Variants in CASK observed in about 807,000 individuals in gnomAD.
CASK encodes the protein peripheral plasma membrane protein CASK.
CASK carries 4 observed loss-of-function variants against 82.9 expected under a neutral mutation model. The ratio of observed to expected loss-of-function variants is 0.05; its 90% CI spans 0.02 to 0.11. The LOEUF (loss-of-function observed/expected upper bound fraction) is 0.11. Ranked by LOEUF, CASK falls within the 10% of genes least tolerant of loss-of-function variation. The pLI, the probability that CASK is intolerant of heterozygous loss-of-function variation, is 1.00. For synonymous variants in CASK, 259 were observed against 253.5 expected, an observed-to-expected ratio of 1.02 and a Z score of -0.20; for missense variants, 358 against 720.9, an observed-to-expected ratio of 0.50 and a Z score of 5.76.
At chrX:41,532,598 CCTCT>C (rs1170452806) in intron 24 of CASK, among the ~76,000 whole-genome samples, 6 of 106,127 alleles carry the variant, frequency 5.7e-5, no homozygotes, top group Admixed American at 3.0e-4. Flanking sequence ...CCTTTTTTTC[CCTCT>C]CTCTCTCAAT....
intron 1 of CASK, among the ~76,000 whole-genome samples, chrX:41,918,160 C>T (rs1015053982): frequency 2.7e-5 from 3 of 111,846 alleles, no homozygotes; most frequent in African/African-American, 6.5e-5. Context: ...TTAAAATTTC[C>T]GGGAAACATT....
At chrX:41,579,694 T>A (rs1476771934) in intron 14 of CASK, among the ~76,000 whole-genome samples, 2 of 112,069 alleles carry the variant, frequency 1.8e-5, no homozygotes, top group Admixed American at 9.5e-5. Flanking sequence ...TGCGGTAATA[T>A]CTGCAGATAA....
At chrX:41,528,990 C>G (rs902451767) in intron 25 of CASK, among the ~76,000 whole-genome samples, 1 of 112,450 alleles carries the variant, frequency 8.9e-6, no homozygotes, top group African/African-American at 3.2e-5. Context: ...GCAGGAGGGC[C>G]TGGGACCAGT....
At chrX:41,725,716 A>G (rs1307106767) in intron 5 of CASK, among the ~76,000 whole-genome samples, 1 of 112,388 alleles carries the variant, frequency 8.9e-6, no homozygotes. Context: ...AGATTTAAAT[A>G]TAAGACAGAA....
intron 17 of CASK, among the ~76,000 whole-genome samples, chrX:41,561,260 T>C (rs949388675): frequency 4.5e-5 from 5 of 110,900 alleles, no homozygotes; most frequent in African/African-American, 1.6e-4. Context: ...CTAGTTCACA[T>C]GTACAAACAC....
intron 8 of CASK, among the ~76,000 whole-genome samples, chrX:41,650,362 A>G (rs1327317236): frequency 1.8e-5 from 2 of 110,845 alleles, no homozygotes; most frequent in Non-Finnish European, 3.8e-5. Context: ...GGTCTTTACA[A>G]TTTGGCATGT....
intron 1 of CASK, among the ~76,000 whole-genome samples, chrX:41,910,925 G>GT (rs917073741): frequency 2.7e-5 from 3 of 111,208 alleles, no homozygotes; most frequent in Admixed American, 9.6e-5. Flanking sequence ...GTTGGTAAAG[G>GT]TTTTTTCCAT....
At chrX:41,608,126 C>G (rs992360332) in intron 12 of CASK, among the ~76,000 whole-genome samples, 2 of 112,174 alleles carry the variant, frequency 1.8e-5, no homozygotes, top group Non-Finnish European at 3.8e-5. Flanking sequence ...AACAAACACT[C>G]TTAGCTGAGC....
At chrX:41,700,939 A>C (rs1285609273) in intron 5 of CASK, among the ~76,000 whole-genome samples, 2 of 103,067 alleles carry the variant, frequency 1.9e-5, no homozygotes, top group Admixed American at 1.1e-4. Flanking sequence ...CTCAAAAAAA[A>C]AAAAAAAAAA....
intron 5 of CASK, among the ~76,000 whole-genome samples, chrX:41,709,752 T>C (rs980488772): frequency 8.9e-6 from 1 of 111,778 alleles, no homozygotes; most frequent in Admixed American, 9.6e-5. Context: ...GTGACTTTCA[T>C]GCTTGGGGCG....
chrX:41,735,919 T>C (rs146040450), intron 5 of CASK, among the ~76,000 whole-genome samples: 142 of 111,756 alleles, frequency 1.3e-3, no homozygotes, highest in African/African-American at 4.4e-3. Flanking sequence ...TTTTCTGTGA[T>C]ACTTTTCACA....
intron 1 of CASK, among the ~76,000 whole-genome samples, chrX:41,918,495 T>C (rs772619468): frequency 2.7e-5 from 3 of 112,417 alleles, no homozygotes; most frequent in African/African-American, 9.7e-5. Flanking sequence ...CAAGCCATTA[T>C]AGTGGAAAAC....
chrX:41,675,447 G>A (rs1482699364), intron 5 of CASK, among the ~76,000 whole-genome samples: 1 of 111,879 alleles, frequency 8.9e-6, no homozygotes, highest in Non-Finnish European at 1.9e-5. Flanking sequence ...GGACAGGGAA[G>A]CAGTTTTACC....
intron 1 of CASK, among the ~76,000 whole-genome samples, chrX:41,905,683 T>C (rs748292009): frequency 8.8e-5 from 10 of 113,033 alleles, no homozygotes; most frequent in Non-Finnish European, 1.7e-4. Flanking sequence ...GCTAGGTGAC[T>C]GATTAGGAAG....
chrX:41,731,973 G>A (rs1602539104), intron 5 of CASK, among the ~76,000 whole-genome samples: 1 of 93,525 alleles, frequency 1.1e-5, no homozygotes, highest in Non-Finnish European at 2.1e-5. Flanking sequence ...ATGTGCTCTT[G>A]CTATGTTGCC....
chrX:41,596,871 G>A (rs970235875), intron 12 of CASK, among the ~76,000 whole-genome samples: 6 of 111,619 alleles, frequency 5.4e-5, no homozygotes, highest in African/African-American at 2.0e-4. Flanking sequence ...AGGAAGTGTC[G>A]CCACAGTTCC....
At chrX:41,659,915 G>A (rs1319739213) in intron 8 of CASK, among the ~76,000 whole-genome samples, 1 of 108,060 alleles carries the variant, frequency 9.3e-6, no homozygotes, top group East Asian at 2.9e-4. Flanking sequence ...TGGGAGGATC[G>A]ATTGAGCCCA....
At chrX:41,866,143 C>T (rs1277431594) in intron 1 of CASK, among the ~76,000 whole-genome samples, 3 of 112,604 alleles carry the variant, frequency 2.7e-5, no homozygotes, top group African/African-American at 9.7e-5. Context: ...GAACAAACCA[C>T]CCGTCATGGC....
chrX:41,602,697 C>A (rs898534625), intron 12 of CASK, among the ~76,000 whole-genome samples: 5 of 99,889 alleles, frequency 5.0e-5, no homozygotes, highest in Non-Finnish European at 1.0e-4. Flanking sequence ...TGCTGCTTAA[C>A]AAAGAACCAT....
Sources: gnomAD v4.1 joint callset for allele counts (sites outside exome capture counted in the v4.1 genomes callset) on GRCh38, gnomAD v4.1.1 for gene constraint, MANE v1.5 for transcripts, NCBI Gene and HGNC (gene_info 2026-07-23, HGNC 2026-07-21) for gene names.